MYO16: variants seen among roughly 807,000 people sequenced by gnomAD.
MYO16 encodes the protein unconventional myosin-XVI.
Under a neutral mutation model 205.3 loss-of-function variants are expected in MYO16, and 94 were observed. The observed-to-expected ratio is 0.46, with a 90% CI of 0.39 to 0.54. The LOEUF is 0.54. MYO16 is among the 20% of genes least tolerant of loss of function. The pLI, the probability that MYO16 is intolerant of heterozygous loss-of-function variation, is 0.00. For synonymous variants in MYO16, 988 were observed against 954.0 expected (o/e 1.04, Z -0.66); for missense variants, 2,315 against 2,387.5 (o/e 0.97, Z 0.63).
chr13:108,797,134 C>T (rs957154282), intron 6 of MYO16, among the ~76,000 whole-genome samples: 2 of 151,994 alleles, frequency 1.3e-5, no homozygotes, highest in Non-Finnish European at 1.5e-5. Context: ...CTTAAACTAC[C>T]AGTGTGATGG....
Position 109,127,280 on chromosome 13 carries a change from A to G in MYO16, c.3783-2A>G. On this transcript the variant is annotated splice_acceptor_variant, in intron 30 of 34. Coordinates refer to ENST00000457511, the MANE Select transcript of MYO16 (RefSeq NM_001198950.3). LOFTEE classifies it high-confidence loss of function. This position sits in a 1 kb window ranked among gnomAD's most constrained non-coding sequence, Gnocchi z 4.2. ...GCTGTTTGTGTTTTGTTTCCCCCTA[A>G]GAACCGATGACAAGAGTGGACCCAG... is the stretch of plus-strand genomic sequence containing the variant. 2 of 1,573,520 alleles carry G rather than the reference A, an allele frequency of 1.3e-6. No homozygotes were observed. The highest frequency in any genetic ancestry group is 1.7e-6 in the Non-Finnish European group (2 of 1,154,570).
At chr13:108,756,209 T>G (rs1441150440) in intron 4 of MYO16, among the ~76,000 whole-genome samples, 1 of 152,098 alleles carries the variant, frequency 6.6e-6, no homozygotes, top group African/African-American at 2.4e-5. Flanking sequence ...TTTTCTAGAC[T>G]TATTTTTCAG....
intron 23 of MYO16, among the ~76,000 whole-genome samples, chr13:109,023,923 C>T (rs1594480644): frequency 8.2e-6 from 1 of 122,132 alleles, no homozygotes; most frequent in Admixed American, 8.6e-5. Flanking sequence ...GTATAAAATA[C>T]ATAAATATAA....
chr13:108,620,753 C>T (rs1325051625), intron 1 of MYO16, among the ~76,000 whole-genome samples: 1 of 152,212 alleles, frequency 6.6e-6, no homozygotes, highest in Non-Finnish European at 1.5e-5. Context: ...CAGTTCCTCG[C>T]CCTTGGGGGC....
intron 2 of MYO16, among the ~76,000 whole-genome samples, chr13:108,704,291 A>G (rs1883420086): frequency 6.6e-6 from 1 of 152,240 alleles, no homozygotes. Flanking sequence ...TGAAAATACT[A>G]CATACTAAAA....
rs192610983 is a variant in MYO16, at chr13:109,107,868, T to A, written c.3438+6981T>A. Among the ~76,000 whole-genome samples the A allele has an allele frequency of 2.2e-4, 32 of 143,068 alleles. No homozygotes were observed. The East Asian group carries it at 4.2e-3, about 19-fold the overall frequency. The allele number at this position is 143,068 out of a possible 152,430, so 93.9% of individuals were successfully genotyped here. A position where few individuals can be genotyped will look rare whatever the true frequency, so the allele number is the denominator to read the frequency against. On this transcript the variant is annotated intron_variant, in intron 28 of 34. Transcript: ENST00000457511. Reference sequence around the variant, plus strand: ...ATGTGTGTGTGTCTGTGTGTGTGTATTTCCTTTCTTCTTTTGTGCCAAACA... The same window carrying A: ...ATGTGTGTGTGTCTGTGTGTGTGTAATTCCTTTCTTCTTTTGTGCCAAACA...
At chr13:108,855,420 T>G in intron 10 of MYO16, 23 bp from the exon 11 acceptor site, 1 of 1,443,856 alleles carries the variant, frequency 6.9e-7, no homozygotes, top group Non-Finnish European at 9.6e-7. Context: ...TTAGAATTGA[T>G]CATACTTTCG....
intron 29 of MYO16, among the ~76,000 whole-genome samples, chr13:109,122,787 C>T (rs934422155): frequency 1.3e-5 from 2 of 151,338 alleles, no homozygotes; most frequent in African/African-American, 4.9e-5. Context: ...TTTTTAATTA[C>T]AGGCTTGTAA....
In MYO16 at chr13:108,846,355, C is replaced by A. The variant is rs150968283; in HGVS notation, c.1248+1862C>A. ...GAAACTCAAGAATGAGTTCTGTTTC[C>A]TAATTGTTTTCATGGGAAGCCACTT... On this transcript the variant is annotated intron_variant, in intron 10 of 34. Transcript: ENST00000457511. 2.8e-4 allele frequency among the ~76,000 whole-genome samples: 43 copies of A among 152,096 alleles called. 2 individuals are homozygous for A. In the East Asian group the frequency reaches 4.3e-3, roughly 15 times the overall value.
At chr13:109,150,660 A>G (rs1347032351) in intron 32 of MYO16, among the ~76,000 whole-genome samples, 2 of 152,236 alleles carry the variant, frequency 1.3e-5, no homozygotes, top group African/African-American at 2.4e-5. Context: ...ATGCTCTATA[A>G]TGCACCGTCA....
Position 108,666,099 on chromosome 13 carries a change from A to G in MYO16, c.242A>G (p.Asn81Ser), listed in dbSNP as rs1881716150. The change falls in exon 2 of 35, where the codon AAC becomes AGC. Residue 81 changes from asparagine (N) to serine (S), a missense_variant. Coordinates refer to ENST00000457511, the MANE Select transcript of MYO16 (RefSeq NM_001198950.3). ...KHAKNPKVHFNLTDMLQDAII... is the reference protein window; with the variant it reads ...KHAKNPKVHFSLTDMLQDAII... The stretch of plus-strand genomic sequence containing the variant: ...GCGAAGAATCCGAAAGTTCACTTCA[A>G]CCTCACGGACATGCTACAGGACGCG... 2.5e-6 allele frequency: 4 copies of G among 1,613,834 alleles called. No individual in the cohort carries two copies. In the East Asian group the frequency reaches 6.7e-5, roughly 27 times the overall value.
In MYO16 at chr13:109,115,242, CAAAAAAAAAAAAAA is replaced by C. The variant is rs61441934; in HGVS notation, c.3439-5113_3439-5100del. On this transcript the variant is annotated intron_variant, in intron 28 of 34. Transcript: ENST00000457511. Reference sequence around the variant, plus strand: ...CTGTACCTCCACAGCCTACACCTCTCAAAAAAAAAAAAAAAAAAAAAAAAAAAACACCTAAAAAT... The same window carrying C: ...CTGTACCTCCACAGCCTACACCTCTCAAAAAAAAAAAAAACACCTAAAAAT... Among the ~76,000 whole-genome samples, 6 of 58,034 alleles carry C rather than the reference CAAAAAAAAAAAAAA, an allele frequency of 1.0e-4. No individual in the cohort carries two copies. In the East Asian group the frequency reaches 2.3e-3, roughly 22 times the overall value. The allele number at this position is 58,034 out of a possible 152,430, so 38.1% of individuals were successfully genotyped here.
At chr13:109,004,394 A>G (rs1265738097) in intron 21 of MYO16, among the ~76,000 whole-genome samples, 3 of 152,236 alleles carry the variant, frequency 2.0e-5, no homozygotes, top group Admixed American at 6.5e-5. Flanking sequence ...TTATTCCTTT[A>G]TAACAAAATT....
rs149048182 is a variant in MYO16 at position 108,849,284 on chromosome 13, G to A, written c.1248+4791G>A. ...CAGCTCACTGCAACCTCCGCCTCCCGGGTTCAAGCGATTCTCCTGCCTGAG... is the reference window on the plus strand; with the variant it reads ...CAGCTCACTGCAACCTCCGCCTCCCAGGTTCAAGCGATTCTCCTGCCTGAG... On this transcript the variant is annotated intron_variant, in intron 10 of 34. Coordinates refer to ENST00000457511, the MANE Select transcript of MYO16 (RefSeq NM_001198950.3). Among the ~76,000 whole-genome samples the A allele has an allele frequency of 8.1e-3, 1,229 of 152,122 alleles. 10 individuals carry two copies. Among genetic ancestry groups the A allele is most frequent in the African/African-American group, 0.023 (959 of 41,498 alleles).
At chr13:109,161,735 A>G (rs548643735) in intron 32 of MYO16, among the ~76,000 whole-genome samples, 1 of 152,350 alleles carries the variant, frequency 6.6e-6, no homozygotes, top group East Asian at 1.9e-4. Context: ...ATAAATTAAG[A>G]TTTAAAAAAC....
intron 1 of MYO16, among the ~76,000 whole-genome samples, chr13:108,644,399 TC>T (rs1407473475): frequency 6.0e-5 from 9 of 150,662 alleles, no homozygotes; most frequent in African/African-American, 1.7e-4. Flanking sequence ...TATCTATCTA[TC>T]TATCTATCTA....
intron 4 of MYO16, among the ~76,000 whole-genome samples, chr13:108,783,143 G>A (rs148079971): frequency 0.016 from 2,422 of 152,264 alleles, 34 homozygotes; most frequent in South Asian, 0.055. Flanking sequence ...ACACTAGCTC[G>A]TGAAAGCAGC....
chr13:108,577,942 A>G, the MYO16 span, among the ~76,000 whole-genome samples: 1 of 152,206 alleles, frequency 6.6e-6, no homozygotes, highest in Non-Finnish European at 1.5e-5. Context: ...GCTTAATATA[A>G]GAGACAAAAT....
At chr13:109,011,873 A>T (rs1275547049) in intron 22 of MYO16, among the ~76,000 whole-genome samples, 1 of 152,116 alleles carries the variant, frequency 6.6e-6, no homozygotes, top group Non-Finnish European at 1.5e-5. Context: ...AATATTTAAG[A>T]CACAAAGAAA....
Sources: gnomAD v4.1 joint callset for allele counts (sites outside exome capture counted in the v4.1 genomes callset) on GRCh38, gnomAD v4.1.1 for gene constraint, Gnocchi (gnomAD v3.1) non-coding constraint, MANE v1.5 for transcripts, NCBI Gene and HGNC (gene_info 2026-07-23, HGNC 2026-07-21) for gene names.